The following KLHL12 variants were observed in gnomAD, a reference collection of about 807,000 sequenced individuals.
The protein encoded by KLHL12 is kelch like family member 12.
A neutral mutation model predicts 60.8 loss-of-function variants in KLHL12; 17 were observed. The ratio of observed to expected loss-of-function variants is 0.28; its 90% confidence interval spans 0.19 to 0.42. KLHL12 has a LOEUF of 0.42. Ranked by LOEUF, KLHL12 falls within the 10% of genes least tolerant of loss-of-function variation. The pLI is 1.00. For missense variants in KLHL12, 468 were observed against 722.3 expected, an observed-to-expected ratio of 0.65 and a Z score of 4.04; for synonymous variants, 220 against 250.9, an observed-to-expected ratio of 0.88 and a Z score of 1.16.
At chr1:202,920,938 G>C (rs555143477) in intron 2 of KLHL12, among the ~76,000 whole-genome samples, 1 of 152,226 alleles carries the variant, frequency 6.6e-6, no homozygotes, top group African/African-American at 2.4e-5. Flanking sequence ...TTTCATGTTC[G>C]TAGAGGAGCC....
At chr1:202,927,631 G>C (rs950840790), upstream of KLHL12, among the ~76,000 whole-genome samples, 3 of 139,312 alleles carry the variant, frequency 2.2e-5, no homozygotes, top group African/African-American at 8.1e-5. Flanking sequence ...AGTGAGCCAG[G>C]ATCGCCACTG....
In KLHL12 at chr1:202,891,873, T is replaced by A. The variant is rs555831696; in HGVS notation, c.*660A>T. ...CAGGTTATGTAATACTTCAGTGCTG[T>A]TCTAGGTTCACTCACAATCAAATTC... On this transcript the variant is annotated 3_prime_UTR_variant, in exon 12 of 12. Transcript: ENST00000367261. 2 of 152,338 alleles carry A rather than the reference T, an allele frequency of 1.3e-5. No individual in the cohort carries two copies. The highest frequency in any genetic ancestry group is 1.3e-4 in the Admixed American group (2 of 15,294). 9.4% of individuals were successfully genotyped at this position (152,338 alleles called of 1,614,324 possible). A position where few individuals can be genotyped will look rare whatever the true frequency, so the allele number is the denominator to read the frequency against.
intron 4 of KLHL12, among the ~76,000 whole-genome samples, chr1:202,913,401 C>G (rs1449280355): frequency 1.3e-5 from 2 of 152,124 alleles, no homozygotes; most frequent in African/African-American, 4.8e-5. Context: ...TTCCTAAGAA[C>G]TGTGATACTC....
upstream of KLHL12, among the ~76,000 whole-genome samples, chr1:202,927,795 C>T (rs1161220522): frequency 1.4e-5 from 2 of 143,176 alleles, no homozygotes; most frequent in African/African-American, 2.6e-5. Flanking sequence ...GCCTGGCCAA[C>T]ATGGTGAAAC....
chr1:202,916,646 T>G (rs975617032), intron 4 of KLHL12, among the ~76,000 whole-genome samples: 25 of 151,782 alleles, frequency 1.6e-4, no homozygotes, highest in Admixed American at 1.4e-3. Flanking sequence ...GACCTGTTAT[T>G]ATATTACACA....
chr1:202,927,292 C>CA (rs1653633151), upstream of KLHL12: 1 of 984,952 alleles, frequency 1.0e-6, no homozygotes, highest in South Asian at 4.7e-5. Flanking sequence ...GCCCTCCCCC[C>CA]GCTCCAGAGT....
Position 202,895,800 on chromosome 1 carries a change from T to C in KLHL12, c.940-83A>G, listed in dbSNP as rs922909238. On this transcript the variant is annotated intron_variant, in intron 7 of 11. Transcript: ENST00000367261. This position sits in a 1 kb window ranked among gnomAD's most constrained non-coding sequence, Gnocchi z 4.2. ...ACCTTTTGCTATCTTCCCTGTTGTA[T>C]CTGCACACCTCTCTGCTTCTTCACC... is the stretch of plus-strand genomic sequence containing the variant. 1.0e-6 allele frequency: 1 copy of C among 952,406 alleles called. No homozygotes were observed. The highest frequency in any genetic ancestry group is 1.6e-6 in the Non-Finnish European group (1 of 615,474). 59.0% of individuals were successfully genotyped at this position (952,406 alleles called of 1,614,324 possible).
chr1:202,912,366 G>C (rs1274376186), intron 4 of KLHL12: 1 of 793,782 alleles, frequency 1.3e-6, no homozygotes, highest in Admixed American at 1.7e-5. Flanking sequence ...GTCAAAGTAA[G>C]AGATGGCTAG....
rs1660578711 is a variant in KLHL12 at position 202,918,181 on chromosome 1, T to A, written c.557A>T (p.Asp186Val). 1 of 1,612,862 alleles carries A rather than the reference T, an allele frequency of 6.2e-7. No homozygotes were observed. The highest frequency in any genetic ancestry group is 8.5e-7 in the Non-Finnish European group (1 of 1,178,948). The change falls in exon 4 of 12, where the codon GAC (aspartate) becomes GTC (valine). Residue 186 changes from aspartate (D) to valine (V), a missense_variant. This residue lies in a region of KLHL12 where 339 missense variants were observed against 525.0 expected (regional missense o/e 0.65). Transcript: ENST00000367261. ...AAGACAAATCCGTACCTGAATTTCGTCGCACTTGATTAGCTTTTCCACCTC... is the reference window on the plus strand; with the variant it reads ...AAGACAAATCCGTACCTGAATTTCGACGCACTTGATTAGCTTTTCCACCTC... ...QGEVEKLIKC[D>V]EIQVDSEEPV... is the part of the protein sequence containing the mutation.
intron 6 of KLHL12, 41 bp downstream of exon 6, chr1:202,908,969 G>C: frequency 7.9e-7 from 1 of 1,269,078 alleles, no homozygotes; most frequent in Non-Finnish European, 1.2e-6. Context: ...GCAAGAAGTA[G>C]TTGAAAAGCA....
chr1:202,894,818 A>G, intron 8 of KLHL12, 69 bp from the exon 9 acceptor site: 1 of 1,359,072 alleles, frequency 7.4e-7, no homozygotes, highest in Non-Finnish European at 1.0e-6. Context: ...TCCTCTACAA[A>G]TTTTCCAAGG....
At chr1:202,912,653 C>T (rs1660401228) in intron 4 of KLHL12, 5 of 1,306,486 alleles carry the variant, frequency 3.8e-6, no homozygotes, top group Non-Finnish European at 5.5e-6. Flanking sequence ...GAGGCCAATA[C>T]TCTGCCAAAC....
At chr1:202,903,984 C>G (rs1213003430) in intron 6 of KLHL12, among the ~76,000 whole-genome samples, 2 of 149,380 alleles carry the variant, frequency 1.3e-5, no homozygotes, top group Non-Finnish European at 3.0e-5. Flanking sequence ...CTTTATCTAT[C>G]TATCTATGTA....
intron 2 of KLHL12, 35 bp from the exon 3 acceptor site, chr1:202,919,943 A>G (rs888947800): frequency 6.4e-7 from 1 of 1,560,518 alleles, no homozygotes; most frequent in Non-Finnish European, 8.8e-7. Flanking sequence ...AATGATGGTT[A>G]TAATTCCACA....
At chr1:202,923,881 A>ACAAG (rs1187351554) in intron 2 of KLHL12, among the ~76,000 whole-genome samples, 1 of 151,648 alleles carries the variant, frequency 6.6e-6, no homozygotes, top group Non-Finnish European at 1.5e-5. Context: ...CAAAAAACAA[A>ACAAG]CAAAAAACTT....
chr1:202,928,135 C>T (rs1350208760), upstream of KLHL12, among the ~76,000 whole-genome samples: 1 of 151,176 alleles, frequency 6.6e-6, no homozygotes, highest in African/African-American at 2.4e-5. Context: ...ATTGGCTGGG[C>T]GTAGTGGCGG....
intron 4 of KLHL12, chr1:202,912,098 C>T (rs1476045763): frequency 3.7e-6 from 3 of 818,886 alleles, no homozygotes; most frequent in African/African-American, 3.3e-5. Context: ...AGGGAAGATT[C>T]TCAAAGACCA....
chr1:202,927,109 A>G lies in KLHL12; in HGVS notation c.-66T>C. ...CTCACCTCCGCTCCCGAACCCACACAGCCGCACCGGGCCCGTCCCCAGCCT... is the reference window on the plus strand; with the variant it reads ...CTCACCTCCGCTCCCGAACCCACACGGCCGCACCGGGCCCGTCCCCAGCCT... On this transcript the variant is annotated 5_prime_UTR_variant, in exon 1 of 12. Coordinates refer to ENST00000367261, the MANE Select transcript of KLHL12 (RefSeq NM_021633.4). 1 of 985,488 alleles carries G rather than the reference A, an allele frequency of 1.0e-6. No individual in the cohort carries two copies. The highest frequency in any genetic ancestry group is 1.2e-6 in the Non-Finnish European group (1 of 830,048). 61.0% of individuals were successfully genotyped at this position (985,488 alleles called of 1,614,324 possible).
chr1:202,922,314 T>A (rs1005468467), intron 2 of KLHL12, among the ~76,000 whole-genome samples: 2 of 151,680 alleles, frequency 1.3e-5, no homozygotes, highest in Non-Finnish European at 2.9e-5. Flanking sequence ...AAGCCTGTAA[T>A]CCCAGCACTT....
Sources: allele counts gnomAD v4.1 joint callset (sites outside exome capture counted in the v4.1 genomes callset), GRCh38; gene constraint gnomAD v4.1.1; regional missense constraint gnomAD v4.1.1; non-coding constraint Gnocchi (gnomAD v3.1); transcripts MANE v1.5; gene names NCBI Gene and HGNC (gene_info 2026-07-23, HGNC 2026-07-21).